RAP1GAP2: variants seen among roughly 807,000 people sequenced by gnomAD.
RAP1GAP2 encodes the protein rap1 GTPase-activating protein 2.
A neutral mutation model predicts 95.0 loss-of-function variants in RAP1GAP2; 27 were observed. The observed-to-expected ratio is 0.28, with a 90% CI of 0.21 to 0.39. The LOEUF (loss-of-function observed/expected upper bound fraction) is 0.39, where lower values mean the gene tolerates loss of function less well. Among genes scored for constraint, RAP1GAP2 ranks in the 10% least tolerant of loss-of-function variants. RAP1GAP2 has a pLI of 1.00. For synonymous variants in RAP1GAP2, 373 were observed against 380.9 expected, an observed-to-expected ratio of 0.98 and a Z score of 0.24; for missense variants, 771 against 970.0, an observed-to-expected ratio of 0.79 and a Z score of 2.72.
intron 8 of RAP1GAP2, among the ~76,000 whole-genome samples, chr17:2,979,262 T>C (rs2151531227): frequency 6.6e-6 from 1 of 152,254 alleles, no homozygotes; most frequent in South Asian, 2.1e-4. Flanking sequence ...CCATTTATAT[T>C]TTGAGTAAGC....
At chr17:2,790,914 G>C (rs529757156) in intron 1 of RAP1GAP2, among the ~76,000 whole-genome samples, 9 of 152,336 alleles carry the variant, frequency 5.9e-5, no homozygotes, top group African/African-American at 1.9e-4. Context: ...AGCCCGTAGA[G>C]GCCGGGCGCT....
chr17:2,771,363 A>G (rs1319961683), intron 2 of RAP1GAP2, among the ~76,000 whole-genome samples: 1 of 152,122 alleles, frequency 6.6e-6, no homozygotes, highest in Non-Finnish European at 1.5e-5. Context: ...ACGTATGGCC[A>G]GCATCGGCAG....
chr17:3,000,057 C>T (rs1023677280), intron 14 of RAP1GAP2, among the ~76,000 whole-genome samples: 4 of 152,190 alleles, frequency 2.6e-5, no homozygotes, highest in South Asian at 2.1e-4. Flanking sequence ...AAGTGACTCT[C>T]CTGCCTCAGC....
chr17:2,892,580 T>G (rs1462424952), intron 2 of RAP1GAP2, among the ~76,000 whole-genome samples: 1 of 152,162 alleles, frequency 6.6e-6, no homozygotes, highest in African/African-American at 2.4e-5. Flanking sequence ...GTGCATGGAC[T>G]GGGATGTTTG....
At position 2,962,038 on chromosome 17, in the gene RAP1GAP2, G is replaced by T. The variant is rs551012305; in HGVS notation, c.202-632G>T. ...CCGCCTCAGCCTCCTGAGTAGCTGGGATTACAGGCATGCGCCACCACGCCC... is the reference window on the plus strand; with the variant it reads ...CCGCCTCAGCCTCCTGAGTAGCTGGTATTACAGGCATGCGCCACCACGCCC... On this transcript the variant is annotated intron_variant, in intron 4 of 24. Transcript: ENST00000254695. 7.9e-5 allele frequency among the ~76,000 whole-genome samples: 12 copies of T among 152,130 alleles called. 1 individual carries two copies. In the South Asian group the frequency reaches 2.5e-3, roughly 32 times the overall value.
chr17:3,008,224 TA>T lies in RAP1GAP2; in HGVS notation c.1494+80del. 4.4e-6 allele frequency: 7 copies of T among 1,581,246 alleles called. No homozygotes were observed. The highest frequency in any genetic ancestry group is 6.0e-6 in the Non-Finnish European group (7 of 1,160,678). On this transcript the variant is annotated intron_variant, in intron 17 of 24. Coordinates refer to ENST00000254695, the MANE Select transcript of RAP1GAP2 (RefSeq NM_015085.5). The surrounding 1 kb of genome is among the most constrained non-coding windows in gnomAD (Gnocchi z 4.2). ...AGGAAGTGGTCCAAGGTCCATGGGA[TA>T]CTGATCCCAGAGCCCAAGGGCCAGC...
At chr17:2,837,185 A>C (rs986835968) in intron 2 of RAP1GAP2, among the ~76,000 whole-genome samples, 1 of 150,432 alleles carries the variant, frequency 6.6e-6, no homozygotes, top group Non-Finnish European at 1.5e-5. Flanking sequence ...CAGGAGGTTG[A>C]GGCTGCAGTA....
chr17:3,031,533 A>C (rs2047299999), intron 23 of RAP1GAP2, among the ~76,000 whole-genome samples: 1 of 141,408 alleles, frequency 7.1e-6, no homozygotes, highest in Admixed American at 7.0e-5. Context: ...CAGACTATGG[A>C]GAACTCCAGG....
At chr17:2,910,248 A>G (rs928864494) in intron 3 of RAP1GAP2, among the ~76,000 whole-genome samples, 5 of 152,176 alleles carry the variant, frequency 3.3e-5, no homozygotes, top group African/African-American at 1.2e-4. Flanking sequence ...GCTGACAGTA[A>G]GGGACATCTC....
At chr17:2,764,407 CA>C (rs2068239883) in intron 1 of RAP1GAP2, among the ~76,000 whole-genome samples, 1 of 140,258 alleles carries the variant, frequency 7.1e-6, no homozygotes, top group Non-Finnish European at 1.5e-5. Flanking sequence ...CTGGGCGACG[CA>C]GCAAGACTCT....
chr17:2,922,040 T>C (rs1418437799), intron 3 of RAP1GAP2, among the ~76,000 whole-genome samples: 1 of 152,280 alleles, frequency 6.6e-6, no homozygotes, highest in African/African-American at 2.4e-5. Flanking sequence ...CTGTTCCAAC[T>C]GTTACAACAA....
intron 3 of RAP1GAP2, among the ~76,000 whole-genome samples, chr17:2,919,958 C>T (rs886150415): frequency 1.3e-5 from 2 of 151,846 alleles, no homozygotes; most frequent in Non-Finnish European, 2.9e-5. Context: ...GCCTCGGCCT[C>T]CCAAAGTGCT....
chr17:2,766,562 A>G (rs2068280007), intron 1 of RAP1GAP2, among the ~76,000 whole-genome samples: 1 of 152,012 alleles, frequency 6.6e-6, no homozygotes, highest in Non-Finnish European at 1.5e-5. Context: ...GTGAGCCGAG[A>G]TCACGCCATT....
At chr17:2,967,933 T>C (rs2044689337) in intron 8 of RAP1GAP2, among the ~76,000 whole-genome samples, 1 of 152,184 alleles carries the variant, frequency 6.6e-6, no homozygotes, top group South Asian at 2.1e-4. Flanking sequence ...CCAAGAAGAA[T>C]CTACCCACAG....
intron 17 of RAP1GAP2, among the ~76,000 whole-genome samples, chr17:3,011,160 T>C (rs527700122): frequency 6.6e-6 from 1 of 152,288 alleles, no homozygotes; most frequent in African/African-American, 2.4e-5. Flanking sequence ...ACTCCTGACC[T>C]CAGGTGATCC....
At chr17:2,953,341 A>G (rs1414401987) in intron 3 of RAP1GAP2, among the ~76,000 whole-genome samples, 1 of 152,072 alleles carries the variant, frequency 6.6e-6, no homozygotes, top group Non-Finnish European at 1.5e-5. Context: ...CTAGGATTAC[A>G]GGTGTGAACC....
intron 2 of RAP1GAP2, among the ~76,000 whole-genome samples, chr17:2,839,086 T>G (rs1393672400): frequency 6.6e-6 from 1 of 152,140 alleles, no homozygotes; most frequent in Non-Finnish European, 1.5e-5. Context: ...GTGGATCACT[T>G]AAGGTCAGAA....
chr17:2,807,232 G>A (rs923250839), intron 2 of RAP1GAP2, among the ~76,000 whole-genome samples: 2 of 152,178 alleles, frequency 1.3e-5, no homozygotes, highest in African/African-American at 2.4e-5. Flanking sequence ...TCATTCACCA[G>A]TTGAAGGCCA....
Position 2,938,725 on chromosome 17 carries a change from G to A in RAP1GAP2, c.166-19034G>A, listed in dbSNP as rs113037278. On this transcript the variant is annotated intron_variant, in intron 3 of 24. Transcript: ENST00000254695. ...TATCTGGCTGGGTGCGGTGGCTTAT[G>A]CCTGTAATCCCAGCAATTTGGGAGG... 1.2e-3 allele frequency among the ~76,000 whole-genome samples: 179 copies of A among 152,240 alleles called. 2 individuals are homozygous for A. Among genetic ancestry groups the A allele is most frequent in the Non-Finnish European group, 2.3e-3 (155 of 68,032 alleles).
Sources: gnomAD v4.1 joint callset for allele counts (sites outside exome capture counted in the v4.1 genomes callset) on GRCh38, gnomAD v4.1.1 for gene constraint, Gnocchi (gnomAD v3.1) non-coding constraint, MANE v1.5 for transcripts, NCBI Gene and HGNC (gene_info 2026-07-23, HGNC 2026-07-21) for gene names.